The following CSMD1 variants were observed in gnomAD, a reference collection of about 807,000 sequenced individuals.
CSMD1 encodes the protein CUB and sushi domain-containing protein 1.
Under a neutral mutation model 417.5 loss-of-function variants are expected in CSMD1, and 213 were observed. The observed-to-expected ratio is 0.51, with a 90% confidence interval of 0.46 to 0.57. The LOEUF is 0.57. Ranked by LOEUF, CSMD1 falls within the 20% of genes least tolerant of loss-of-function variation. The pLI is 0.00. For synonymous variants in CSMD1, 2,862 were observed against 1,736.8 expected (o/e 1.65, Z -16.11); for missense variants, 6,923 against 4,529.7 (o/e 1.53, Z -15.17).
chr8:3,910,217 G>T lies in CSMD1; in HGVS notation c.818+87686C>A, dbSNP rs955733282. Among the ~76,000 whole-genome samples, 2 of 152,140 alleles carry T rather than the reference G, an allele frequency of 1.3e-5. 1 individual carries two copies. The highest frequency in any genetic ancestry group is 4.2e-4 in the South Asian group (2 of 4,814). ...ATGCACGGAAAACAATGTTCATGCA[G>T]TTCAGTGAATTGTGGGGTGGGGAGG... On this transcript the variant is annotated intron_variant, in intron 5 of 69. Transcript: ENST00000635120.
chr8:3,671,284 G>C (rs1563256518), intron 7 of CSMD1, among the ~76,000 whole-genome samples: 2 of 147,210 alleles, frequency 1.4e-5, no homozygotes, highest in African/African-American at 2.5e-5. Context: ...GATGTGCCTG[G>C]ACACATCACA....
At chr8:4,129,852 C>A (rs1261144694) in intron 3 of CSMD1, among the ~76,000 whole-genome samples, 1 of 152,020 alleles carries the variant, frequency 6.6e-6, no homozygotes, top group Non-Finnish European at 1.5e-5. Context: ...TAGATGGTTC[C>A]TGCTTTTTCA....
intron 4 of CSMD1, among the ~76,000 whole-genome samples, chr8:4,029,757 C>A (rs1411896560): frequency 3.9e-5 from 6 of 152,176 alleles, no homozygotes; most frequent in African/African-American, 1.4e-4. Context: ...CGAAATTCCA[C>A]CTTCCGAACT....
intron 1 of CSMD1, among the ~76,000 whole-genome samples, chr8:4,643,127 T>A (rs1046270005): frequency 6.6e-6 from 1 of 152,214 alleles, no homozygotes; most frequent in African/African-American, 2.4e-5. Context: ...GAACAGTATG[T>A]CTCATTGGAG....
intron 2 of CSMD1, among the ~76,000 whole-genome samples, chr8:4,461,760 A>C (rs568829515): frequency 1.4e-5 from 1 of 72,824 alleles, no homozygotes; most frequent in Non-Finnish European, 3.2e-5. Flanking sequence ...TTTTTTTTGG[A>C]GATGGAGTCT....
At chr8:4,168,436 G>C (rs568232939) in intron 3 of CSMD1, among the ~76,000 whole-genome samples, 98 of 151,782 alleles carry the variant, frequency 6.5e-4, no homozygotes, top group African/African-American at 2.3e-3. Flanking sequence ...TTATATTTTA[G>C]TAATATTGCA....
chr8:4,588,951 T>G (rs557809133), intron 2 of CSMD1, among the ~76,000 whole-genome samples: 1 of 152,272 alleles, frequency 6.6e-6, no homozygotes, highest in South Asian at 2.1e-4. Context: ...TGCCTTTAAG[T>G]ATAGTAGAGC....
chr8:4,866,542 T>A (rs1481099200), intron 1 of CSMD1, among the ~76,000 whole-genome samples: 2 of 151,928 alleles, frequency 1.3e-5, no homozygotes, highest in African/African-American at 2.4e-5. Context: ...TTGGCTTTTT[T>A]AACAACTAAA....
rs777607180 is a variant in CSMD1, at chr8:3,493,610, A to G, written c.1448+13T>C. ...CATGCATAAGAGAAGAAGAAGCTCA[A>G]GGACATACTCACACGTACAAGACCG... is the stretch of plus-strand genomic sequence containing the variant. On this transcript the variant is annotated intron_variant, in intron 11 of 69. Transcript: ENST00000635120. 6.3e-7 allele frequency: 1 copy of G among 1,596,888 alleles called. No individual in the cohort carries two copies. The highest frequency in any genetic ancestry group is 8.5e-7 in the Non-Finnish European group (1 of 1,170,196).
At chr8:4,423,672 C>T (rs888806161) in intron 2 of CSMD1, among the ~76,000 whole-genome samples, 3 of 151,838 alleles carry the variant, frequency 2.0e-5, no homozygotes, top group African/African-American at 7.3e-5. Context: ...CACCAAAATC[C>T]CAGCAAGAAT....
chr8:3,146,911 G>A (rs866550582), intron 40 of CSMD1, among the ~76,000 whole-genome samples: 6 of 152,110 alleles, frequency 3.9e-5, no homozygotes, highest in African/African-American at 9.7e-5. Context: ...TTAGACAATC[G>A]ATCAGGCAAT....
At chr8:4,256,777 T>C (rs1048589504) in intron 3 of CSMD1, among the ~76,000 whole-genome samples, 1 of 152,138 alleles carries the variant, frequency 6.6e-6, no homozygotes, top group East Asian at 1.9e-4. Context: ...CTCAAGCAGC[T>C]TGCAACAGGG....
At chr8:4,041,157 C>CAGT (rs1797872534) in intron 3 of CSMD1, among the ~76,000 whole-genome samples, 1 of 151,612 alleles carries the variant, frequency 6.6e-6, no homozygotes, top group Non-Finnish European at 1.5e-5. Context: ...GCTGGGACTA[C>CAGT]AGGCGCCCGC....
At chr8:4,395,617 C>T (rs1458796084) in intron 3 of CSMD1, among the ~76,000 whole-genome samples, 2 of 151,966 alleles carry the variant, frequency 1.3e-5, no homozygotes, top group African/African-American at 2.4e-5. Flanking sequence ...TTAATATTGC[C>T]CCCATTATAC....
intron 3 of CSMD1, among the ~76,000 whole-genome samples, chr8:4,081,873 A>T (rs1800153120): frequency 6.6e-6 from 1 of 152,204 alleles, no homozygotes. Flanking sequence ...AAGACATATC[A>T]AAATGTGTTG....
At chr8:4,624,992 T>A (rs1017850465) in intron 2 of CSMD1, among the ~76,000 whole-genome samples, 9 of 152,174 alleles carry the variant, frequency 5.9e-5, no homozygotes, top group Non-Finnish European at 1.2e-4. Flanking sequence ...ATCACCTTAT[T>A]CTTTATTCAG....
chr8:4,338,361 C>CA (rs1563070589), intron 3 of CSMD1, among the ~76,000 whole-genome samples: 3 of 152,016 alleles, frequency 2.0e-5, no homozygotes, highest in South Asian at 2.1e-4. Context: ...AGGAAACATA[C>CA]AAAAATATCT....
chr8:3,874,765 G>A (rs929336818), intron 5 of CSMD1, among the ~76,000 whole-genome samples: 2 of 152,118 alleles, frequency 1.3e-5, no homozygotes, highest in Non-Finnish European at 2.9e-5. Context: ...GTCTGTGACG[G>A]GGAAGGACAG....
chr8:3,801,318 T>C (rs929794508), intron 5 of CSMD1, among the ~76,000 whole-genome samples: 5 of 152,058 alleles, frequency 3.3e-5, no homozygotes, highest in Non-Finnish European at 7.4e-5. Flanking sequence ...TAGACATTTC[T>C]CCAAAGAAGA....
Sources: allele counts gnomAD v4.1 joint callset (sites outside exome capture counted in the v4.1 genomes callset), GRCh38; gene constraint gnomAD v4.1.1; transcripts MANE v1.5; gene names NCBI Gene and HGNC (gene_info 2026-07-23, HGNC 2026-07-21).